The following TYR variants were observed in gnomAD, a reference collection of about 807,000 sequenced individuals.
TYR encodes tyrosinase.
In TYR, 58 loss-of-function variants were observed where a neutral mutation model predicts 51.5. That is an observed-to-expected ratio of 1.13 (90% CI 0.91 to 1.40). TYR has a LOEUF of 1.40. TYR is among the 40% of genes most tolerant of loss of function. The pLI is 0.00. For synonymous variants in TYR, 263 were observed against 235.2 expected (o/e 1.12, Z -1.08); for missense variants, 732 against 647.4 (o/e 1.13, Z -1.42).
chr11:89,289,004 T>C (rs1944826242), intron 4 of TYR, among the ~76,000 whole-genome samples: 1 of 152,058 alleles, frequency 6.6e-6, no homozygotes, highest in Non-Finnish European at 1.5e-5. Flanking sequence ...TGTCTGCCAT[T>C]TATCAAACTT....
intron 3 of TYR, among the ~76,000 whole-genome samples, chr11:89,277,134 G>C (rs1944664098): frequency 6.6e-6 from 1 of 151,664 alleles, no homozygotes; most frequent in African/African-American, 2.4e-5. Flanking sequence ...GAGGCTTAGA[G>C]AGTTTTATTG....
chr11:89,253,017 T>C (rs1371700563), intron 3 of TYR, among the ~76,000 whole-genome samples: 2 of 151,794 alleles, frequency 1.3e-5, no homozygotes, highest in African/African-American at 4.8e-5. Context: ...TTCTCTATAT[T>C]ACATGACTTT....
intron 1 of TYR, among the ~76,000 whole-genome samples, chr11:89,186,686 A>ATGGTCAC (rs781371026): frequency 1.3e-5 from 2 of 152,160 alleles, no homozygotes; most frequent in Non-Finnish European, 2.9e-5. Flanking sequence ...ACAGGTGATT[A>ATGGTCAC]CATATAGACC....
In TYR at chr11:89,178,208, T is replaced by C. The variant is rs746208814; in HGVS notation, c.255T>C (p.Tyr85=). Residue 85 remains tyrosine (Y), a synonymous_variant, in exon 1 of 5, where the codon TAT becomes TAC. Coordinates refer to ENST00000263321, the MANE Select transcript of TYR (RefSeq NM_000372.5). ...GGGAGTCGTGGCCTTCCGTCTTTTA[T>C]AATAGGACCTGCCAGTGCTCTGGCA... ...DDRESWPSVF[Y]NRTCQCSGNF... is the part of the protein sequence containing the mutation. 6.8e-6 allele frequency: 11 copies of C among 1,614,164 alleles called. No individual in the cohort carries two copies. In the Middle Eastern group the frequency reaches 8.2e-4, roughly 121 times the overall value.
intron 3 of TYR, among the ~76,000 whole-genome samples, chr11:89,242,189 T>A (rs1229522273): frequency 6.6e-6 from 1 of 152,000 alleles, no homozygotes; most frequent in African/African-American, 2.4e-5. Context: ...ATTAACTTTG[T>A]TTTTTGGGTT....
intron 2 of TYR, chr11:89,192,013 A>G: frequency 2.2e-6 from 1 of 454,542 alleles, no homozygotes; most frequent in South Asian, 1.6e-5. Context: ...AAAATATTCT[A>G]GGCAGTGGGT....
intron 3 of TYR, among the ~76,000 whole-genome samples, chr11:89,264,533 A>T: frequency 6.6e-6 from 1 of 152,004 alleles, no homozygotes; most frequent in East Asian, 1.9e-4. Context: ...CTAAAGATGG[A>T]AATACCATTC....
At chr11:89,232,471 T>G (rs926688008) in intron 3 of TYR, among the ~76,000 whole-genome samples, 2 of 143,212 alleles carry the variant, frequency 1.4e-5, no homozygotes, top group African/African-American at 2.8e-5. Context: ...CTGCATGTTT[T>G]CTCTTATAAG....
At chr11:89,197,098 A>G (rs1247259842) in intron 2 of TYR, among the ~76,000 whole-genome samples, 1 of 152,190 alleles carries the variant, frequency 6.6e-6, no homozygotes, top group Non-Finnish European at 1.5e-5. Flanking sequence ...CTGCTCACTG[A>G]GCAGAGAAGA....
intron 2 of TYR, among the ~76,000 whole-genome samples, chr11:89,194,044 T>A (rs987958414): frequency 6.6e-6 from 1 of 152,194 alleles, no homozygotes; most frequent in Non-Finnish European, 1.5e-5. Flanking sequence ...TTTTATCAAA[T>A]CTACTGTATA....
At chr11:89,191,939 C>G in intron 2 of TYR, 1 of 383,556 alleles carries the variant, frequency 2.6e-6, no homozygotes, top group Admixed American at 3.8e-5. Flanking sequence ...TGTGGAATTT[C>G]AGATATAAGT....
At chr11:89,226,299 C>T (rs926551901) in intron 2 of TYR, among the ~76,000 whole-genome samples, 1 of 152,100 alleles carries the variant, frequency 6.6e-6, no homozygotes, top group African/African-American at 2.4e-5. Context: ...GTTCTTTGTC[C>T]CCTCTAAGCC....
intron 1 of TYR, among the ~76,000 whole-genome samples, chr11:89,179,896 T>G (rs563315529): frequency 1.3e-5 from 2 of 152,332 alleles, no homozygotes; most frequent in Admixed American, 6.5e-5. Context: ...CAAAAATTTC[T>G]AATACAGCAC....
chr11:89,204,154 G>C (rs372843699), intron 2 of TYR, among the ~76,000 whole-genome samples: 1 of 152,150 alleles, frequency 6.6e-6, no homozygotes, highest in African/African-American at 2.4e-5. Context: ...AGGCCTACTG[G>C]ATAGTTAGGT....
At position 89,268,890 on chromosome 11, in the gene TYR, G is replaced by T. The variant is rs1054308211; in HGVS notation, c.1185-15883G>T. On this transcript the variant is annotated intron_variant, in intron 3 of 4. Transcript: ENST00000263321. Reference sequence around the variant, plus strand: ...GTGCCCAGGGTCCCTGTCAGTCTACGCATTCTATGTGATACCTTTCCCATA... The same window carrying T: ...GTGCCCAGGGTCCCTGTCAGTCTACTCATTCTATGTGATACCTTTCCCATA... Among the ~76,000 whole-genome samples, 7 of 151,838 alleles carry T rather than the reference G, an allele frequency of 4.6e-5. No homozygotes were observed. The East Asian group carries it at 5.9e-4, about 13-fold the overall frequency.
chr11:89,178,861 C>T (rs1272316675), intron 1 of TYR, 89 bp downstream of exon 1: 1 of 1,290,784 alleles, frequency 7.7e-7, no homozygotes, highest in Non-Finnish European at 1.1e-6. Context: ...CACCTGAACA[C>T]TCATTGCAGC....
In TYR at chr11:89,289,283, A is replaced by G. The variant is rs188390596; in HGVS notation, c.1366+4329A>G. On this transcript the variant is annotated intron_variant, in intron 4 of 4. Coordinates refer to ENST00000263321, the MANE Select transcript of TYR (RefSeq NM_000372.5). ...CTGTTCACAGTAACTGCAGTGCCCC[A>G]TTCTGCCAATGGAATTTGATGACAC... Among the ~76,000 whole-genome samples the G allele has an allele frequency of 1.2e-3, 188 of 152,166 alleles. 1 individual carries two copies. The highest frequency in any genetic ancestry group is 4.2e-3 in the African/African-American group (176 of 41,530).
chr11:89,192,316 C>CA (rs200477584), intron 2 of TYR, among the ~76,000 whole-genome samples: 3,135 of 150,882 alleles, frequency 0.021, 104 homozygotes, highest in African/African-American at 0.072. Flanking sequence ...CAAAAACAAA[C>CA]AAAAAAAAAC....
chr11:89,214,201 T>C (rs1419307852), intron 2 of TYR, among the ~76,000 whole-genome samples: 3 of 150,496 alleles, frequency 2.0e-5, no homozygotes, highest in Non-Finnish European at 3.0e-5. Flanking sequence ...AGGGCTAATG[T>C]CCATCAAAAA....
Sources: allele counts gnomAD v4.1 joint callset (sites outside exome capture counted in the v4.1 genomes callset), GRCh38; gene constraint gnomAD v4.1.1; transcripts MANE v1.5; gene names NCBI Gene and HGNC (gene_info 2026-07-23, HGNC 2026-07-21).